The following MED13 variants were observed in gnomAD, a reference collection of about 807,000 sequenced individuals.
MED13 encodes the protein mediator complex subunit 13.
A neutral mutation model predicts 225.2 loss-of-function variants in MED13; 23 were observed. The observed-to-expected ratio is 0.10, with a 90% CI of 0.07 to 0.14. MED13 has a LOEUF of 0.14. MED13 is among the 10% of genes least tolerant of loss of function. The pLI is 1.00. For missense variants in MED13, 2,197 were observed against 2,594.5 expected, an observed-to-expected ratio of 0.85 and a Z score of 3.33; for synonymous variants, 942 against 889.2, an observed-to-expected ratio of 1.06 and a Z score of -1.06.
intron 26 of MED13, among the ~76,000 whole-genome samples, chr17:61,954,692 G>A (rs925654909): frequency 2.6e-5 from 4 of 152,110 alleles, no homozygotes; most frequent in East Asian, 1.9e-4. Flanking sequence ...CACGAGCATC[G>A]CTTGAACCCA....
At chr17:61,992,070 T>G (rs1165840744) in intron 11 of MED13, among the ~76,000 whole-genome samples, 1 of 152,240 alleles carries the variant, frequency 6.6e-6, no homozygotes, top group African/African-American at 2.4e-5. Context: ...CTTGGAGTTA[T>G]GATGATGAAA....
chr17:62,061,292 A>C (rs1452940744), intron 2 of MED13, among the ~76,000 whole-genome samples: 1 of 152,080 alleles, frequency 6.6e-6, no homozygotes, highest in Non-Finnish European at 1.5e-5. Context: ...GTTAAGATGG[A>C]AGGATCACTA....
intron 3 of MED13, among the ~76,000 whole-genome samples, chr17:62,052,208 G>C (rs1479295996): frequency 1.3e-5 from 2 of 152,066 alleles, no homozygotes; most frequent in Non-Finnish European, 2.9e-5. Context: ...AGAGTGCTGT[G>C]CATATATTTC....
intron 16 of MED13, among the ~76,000 whole-genome samples, chr17:61,981,525 G>T (rs2080204492): frequency 6.6e-6 from 1 of 152,066 alleles, no homozygotes; most frequent in Non-Finnish European, 1.5e-5. Context: ...AGCAGCATCA[G>T]TCACCTTAAT....
intron 20 of MED13, among the ~76,000 whole-genome samples, chr17:61,964,294 CG>C (rs1567946334): frequency 6.6e-6 from 1 of 152,144 alleles, no homozygotes; most frequent in Non-Finnish European, 1.5e-5. Flanking sequence ...AACACTAGGC[CG>C]GGTGCGATAG....
At chr17:62,024,487 G>A (rs7221089) in intron 8 of MED13, among the ~76,000 whole-genome samples, 24,412 of 152,106 alleles carry the variant, frequency 0.16, 2,408 homozygotes, top group East Asian at 0.5. Flanking sequence ...AACTAAAACA[G>A]AACTATTTGA....
rs1476770233 is a variant in MED13, at chr17:61,982,507, G to A, written c.3496C>T (p.Leu1166Phe). The change falls in exon 16 of 30, where the codon CTC (leucine) becomes TTC (phenylalanine). Residue 1166 changes from leucine (L) to phenylalanine (F), a missense_variant. Around this residue, in one of 12 missense-constraint regions of MED13, gnomAD observed 203 missense variants for 209.7 expected, o/e 0.97. Transcript: ENST00000397786. ...ACATGTTCAGCAGAGGTAGCCCTGA[G>A]AGCTTCAAAACGTTTTTCTGCTTCT... The part of the protein sequence containing the change: ...GKEAEKRFEA[L>F]RATSAEHVNG... The A allele has an allele frequency of 6.2e-7, 1 of 1,614,162 alleles. No homozygotes were observed. The highest frequency in any genetic ancestry group is 1.1e-5 in the South Asian group (1 of 91,082).
At chr17:62,036,472 T>A (rs1485666705) in intron 3 of MED13, among the ~76,000 whole-genome samples, 1 of 151,664 alleles carries the variant, frequency 6.6e-6, no homozygotes, top group Non-Finnish European at 1.5e-5. Flanking sequence ...AGGATAAGAG[T>A]GTACACTAAG....
intron 5 of MED13, 142 bp from the exon 6 acceptor site, chr17:62,031,780 CA>C (rs2080759384): frequency 2.2e-6 from 1 of 455,688 alleles, no homozygotes; most frequent in Non-Finnish European, 3.5e-6. Context: ...GCTTCTTTGG[CA>C]TAAGTTTTTC....
chr17:62,024,750 C>T lies in MED13; in HGVS notation c.1283+4791G>A, dbSNP rs933059050. On this transcript the variant is annotated intron_variant, in intron 8 of 29. Transcript: ENST00000397786. ...CTTCTTTGTGTCCATGAGTTCTCATCATTTAGCTCCCACTTATAAGTGAGA... is the reference window on the plus strand; with the variant it reads ...CTTCTTTGTGTCCATGAGTTCTCATTATTTAGCTCCCACTTATAAGTGAGA... 2.6e-5 allele frequency among the ~76,000 whole-genome samples: 4 copies of T among 152,186 alleles called. No individual in the cohort carries two copies. The East Asian group carries it at 5.8e-4, about 22-fold the overall frequency.
At chr17:61,946,886 T>G (rs758611440) in intron 29 of MED13, 31 bp downstream of exon 29, 1 of 1,536,352 alleles carries the variant, frequency 6.5e-7, no homozygotes, top group South Asian at 1.1e-5. Flanking sequence ...AAAGTTGCAG[T>G]GACAAACTGT....
At chr17:62,007,604 T>G (rs2080462555) in intron 9 of MED13, 1 of 152,230 alleles carries the variant, frequency 6.6e-6, no homozygotes, top group Admixed American at 6.6e-5. Flanking sequence ...ATCCCAGCAC[T>G]TTAGGAGGCC....
At chr17:62,009,993 G>A (rs1247086112) in intron 9 of MED13, among the ~76,000 whole-genome samples, 1 of 152,098 alleles carries the variant, frequency 6.6e-6, no homozygotes, top group Non-Finnish European at 1.5e-5. Context: ...AGGCCGAGGT[G>A]GGTGGATCAC....
At chr17:62,060,633 A>G (rs898576742) in intron 2 of MED13, among the ~76,000 whole-genome samples, 7 of 144,640 alleles carry the variant, frequency 4.8e-5, no homozygotes, top group Admixed American at 4.1e-4. Flanking sequence ...GGACAGAATG[A>G]GACTCCGTCT....
intron 3 of MED13, among the ~76,000 whole-genome samples, chr17:62,046,823 A>G (rs2143735161): frequency 6.6e-6 from 1 of 152,072 alleles, no homozygotes; most frequent in South Asian, 2.1e-4. Flanking sequence ...GTGACAAAAT[A>G]AGAGACCTTA....
intron 17 of MED13, among the ~76,000 whole-genome samples, chr17:61,969,926 T>A (rs986455258): frequency 2.0e-5 from 3 of 152,166 alleles, no homozygotes; most frequent in African/African-American, 7.2e-5. Flanking sequence ...AATAAAAAAA[T>A]TTTTAAAAGA....
rs2080794104 is a variant in MED13 at position 62,035,447 on chromosome 17, TAATAA to T, written c.616+11_616+15del. The T allele has an allele frequency of 6.4e-7, 1 of 1,573,184 alleles. No individual in the cohort carries two copies. ...TCAATAAAAGATCAAATACCTAATA[TAATAA>T]AATAATCTACCTTGAAATGGGCTAT... is the stretch of plus-strand genomic sequence containing the variant. On this transcript the variant is annotated intron_variant, in intron 4 of 29. Coordinates refer to ENST00000397786, the MANE Select transcript of MED13 (RefSeq NM_005121.3).
At position 62,042,560 on chromosome 17, in the gene MED13, C is replaced by CAAAA. The variant is rs377646442; in HGVS notation, c.471-6956_471-6953dup. Among the ~76,000 whole-genome samples the CAAAA allele has an allele frequency of 1.4e-3, 82 of 60,174 alleles. 1 individual carries two copies. Among genetic ancestry groups the CAAAA allele is most frequent in the African/African-American group, 4.5e-3 (77 of 17,268 alleles). 39.5% of individuals were successfully genotyped at this position (60,174 alleles called of 152,430 possible). The stretch of plus-strand genomic sequence containing the variant: ...CTGGTGACAGAGCAAGGTTTCATCT[C>CAAAA]AAAAAAAAAAAAAAAAAAAACCAAA... On this transcript the variant is annotated intron_variant, in intron 3 of 29. Transcript: ENST00000397786.
intron 28 of MED13, among the ~76,000 whole-genome samples, chr17:61,948,921 C>T (rs2079873657): frequency 6.6e-6 from 1 of 151,114 alleles, no homozygotes; most frequent in Non-Finnish European, 1.5e-5. Context: ...CCCATCTCTA[C>T]TAAAAAAATA....
Sources: allele counts gnomAD v4.1 joint callset (sites outside exome capture counted in the v4.1 genomes callset), GRCh38; gene constraint gnomAD v4.1.1; regional missense constraint gnomAD v4.1.1; transcripts MANE v1.5; gene names NCBI Gene and HGNC (gene_info 2026-07-23, HGNC 2026-07-21).